The following NFIB variants were observed in gnomAD, a reference collection of about 807,000 sequenced individuals.
NFIB encodes nuclear factor I B, also known as nuclear factor 1 B-type.
NFIB carries 11 observed loss-of-function variants against 61.5 expected under a neutral mutation model. The observed-to-expected ratio is 0.18, with a 90% CI of 0.11 to 0.30. The LOEUF (loss-of-function observed/expected upper bound fraction) is 0.30. Ranked by LOEUF, NFIB falls within the 10% of genes least tolerant of loss-of-function variation. The pLI, the probability that NFIB is intolerant of heterozygous loss-of-function variation, is 1.00. For missense variants in NFIB, 471 were observed against 608.9 expected, an observed-to-expected ratio of 0.77 and a Z score of 2.38; for synonymous variants, 260 against 216.5, an observed-to-expected ratio of 1.20 and a Z score of -1.76.
chr9:14,276,082 TTTTTG>T (rs1452191335), intron 2 of NFIB, among the ~76,000 whole-genome samples: 3 of 152,122 alleles, frequency 2.0e-5, no homozygotes, highest in Non-Finnish European at 4.4e-5. Flanking sequence ...CTGCAGGGGT[TTTTTG>T]TTTTGTCTTG....
At chr9:14,481,722 A>G in the NFIB span, among the ~76,000 whole-genome samples, 2 of 152,230 alleles carry the variant, frequency 1.3e-5, no homozygotes, top group African/African-American at 4.8e-5. Context: ...ACTACCTGGA[A>G]AGTTAAACCT....
At chr9:14,180,996 G>C (rs562165276) in intron 2 of NFIB, among the ~76,000 whole-genome samples, 2 of 152,288 alleles carry the variant, frequency 1.3e-5, no homozygotes, top group African/African-American at 4.8e-5. Context: ...CATTATACTT[G>C]AGCCAAGAAA....
At chr9:14,296,945 C>T (rs182655452) in intron 2 of NFIB, among the ~76,000 whole-genome samples, 2 of 152,322 alleles carry the variant, frequency 1.3e-5, no homozygotes, top group Non-Finnish European at 2.9e-5. Context: ...GTAATTCCTG[C>T]AAGATCTAAG....
At chr9:14,192,082 TGTCAGA>T (rs566261791) in intron 2 of NFIB, among the ~76,000 whole-genome samples, 25 of 152,330 alleles carry the variant, frequency 1.6e-4, no homozygotes, top group Middle Eastern at 3.4e-3. Flanking sequence ...TCCAATTCTT[TGTCAGA>T]GTTAATTGCC....
At chr9:14,300,343 A>G (rs899362628) in intron 2 of NFIB, 4 of 396,060 alleles carry the variant, frequency 1.0e-5, no homozygotes, top group African/African-American at 4.1e-5. Context: ...GGATGGAGGG[A>G]AAAAGGCTGG....
rs2118369290 is a variant in NFIB, at chr9:14,084,252, T to C, written c.*4057A>G. The stretch of plus-strand genomic sequence containing the variant: ...AAATGGAAACAACATATAGTTCCAT[T>C]ATAATTGTTAAAAAGTTAGCTTTAC... On this transcript the variant is annotated 3_prime_UTR_variant, in exon 11 of 11. Transcript: ENST00000380953. The C allele has an allele frequency of 5.0e-6, 1 of 200,542 alleles. No individual in the cohort carries two copies. The highest frequency in any genetic ancestry group is 2.3e-5 in the African/African-American group (1 of 43,612). The allele number at this position is 200,542 out of a possible 1,614,324, so 12.4% of individuals were successfully genotyped here.
rs370599241 is a variant in NFIB at position 14,228,801 on chromosome 9, C to T, written c.563-49021G>A. On this transcript the variant is annotated intron_variant, in intron 2 of 10. Transcript: ENST00000380953. ...ATTTTAATTTTATTAGAGTGTGTTA[C>T]TCATGTGGTTTCTCTTTCACATGAA... Among the ~76,000 whole-genome samples the T allele has an allele frequency of 1.3e-3, 198 of 152,226 alleles. 1 individual carries two copies. Among genetic ancestry groups the T allele is most frequent in the African/African-American group, 4.7e-3 (196 of 41,540 alleles).
At chr9:14,494,556 T>C in the NFIB span, among the ~76,000 whole-genome samples, 3 of 152,116 alleles carry the variant, frequency 2.0e-5, no homozygotes, top group Non-Finnish European at 4.4e-5. Context: ...CAACATGGAG[T>C]GCTACGAAGC....
At chr9:14,288,161 T>C (rs1180514021) in intron 2 of NFIB, among the ~76,000 whole-genome samples, 3 of 152,190 alleles carry the variant, frequency 2.0e-5, no homozygotes, top group East Asian at 3.9e-4. Context: ...ACATGACAAA[T>C]ATATATTGAC....
intron 2 of NFIB, among the ~76,000 whole-genome samples, chr9:14,250,472 C>G (rs1240053241): frequency 6.6e-6 from 1 of 152,190 alleles, no homozygotes; most frequent in Non-Finnish European, 1.5e-5. Context: ...GCCATTAAAA[C>G]TTTCAGGTGT....
chr9:14,340,440 A>G (rs945291493), intron 1 of NFIB, among the ~76,000 whole-genome samples: 4 of 152,212 alleles, frequency 2.6e-5, no homozygotes, highest in Admixed American at 1.3e-4. Flanking sequence ...TAGCAATTCT[A>G]ATTTAATTGG....
At position 14,221,600 on chromosome 9, in the gene NFIB, C is replaced by T. The variant is rs189098723; in HGVS notation, c.563-41820G>A. On this transcript the variant is annotated intron_variant, in intron 2 of 10. Coordinates refer to ENST00000380953, the MANE Select transcript of NFIB (RefSeq NM_001190737.2). ...GCTTATCTGACTCCCCAATTTTGCA[C>T]AGAGCTGGTCCTGTCTTCTGACCTT... is the stretch of plus-strand genomic sequence containing the variant. Among the ~76,000 whole-genome samples the T allele has an allele frequency of 1.9e-3, 285 of 152,266 alleles. 4 individuals are homozygous for T. Among genetic ancestry groups the T allele is most frequent in the Non-Finnish European group, 5.3e-4 (36 of 68,022 alleles).
intron 1 of NFIB, among the ~76,000 whole-genome samples, chr9:14,326,575 G>T (rs1402108065): frequency 6.6e-6 from 1 of 151,946 alleles, no homozygotes; most frequent in Non-Finnish European, 1.5e-5. Context: ...TGGTGGTATG[G>T]CTCATAGCCT....
At position 14,322,076 on chromosome 9, in the gene NFIB, TAAAAAAAAAAAAAA is replaced by T. The variant is rs3081606; in HGVS notation, c.109-14570_109-14557del. The T allele has an allele frequency of 6.8e-5, 75 of 1,110,338 alleles. 1 individual carries two copies. The highest frequency in any genetic ancestry group is 3.9e-4 in the African/African-American group (18 of 46,304). The allele number at this position is 1,110,338 out of a possible 1,614,324, so 68.8% of individuals were successfully genotyped here. On this transcript the variant is annotated intron_variant, in intron 1 of 8. Transcript: ENST00000380934. ...TTTGGTGTCGCTTTTTGTGTTTAGT[TAAAAAAAAAAAAAA>T]AAAAAAAAAAAAGCAATCCGGGAGT...
chr9:14,173,779 G>T (rs930599946), intron 3 of NFIB, among the ~76,000 whole-genome samples: 1 of 152,170 alleles, frequency 6.6e-6, no homozygotes. Flanking sequence ...GATAGAGTAG[G>T]TGACTGGGGA....
At chr9:14,209,773 G>A (rs1467118444) in intron 2 of NFIB, among the ~76,000 whole-genome samples, 1 of 152,172 alleles carries the variant, frequency 6.6e-6, no homozygotes, top group Non-Finnish European at 1.5e-5. Flanking sequence ...AAGTTTGGAA[G>A]ATCTATTTAT....
intron 2 of NFIB, among the ~76,000 whole-genome samples, chr9:14,222,194 T>A (rs1263146509): frequency 1.3e-5 from 2 of 152,170 alleles, no homozygotes; most frequent in Non-Finnish European, 2.9e-5. Flanking sequence ...ATACTAACTT[T>A]CAAGAACACA....
At position 14,086,392 on chromosome 9, in the gene NFIB, T is replaced by A. The variant is rs1398523814; in HGVS notation, c.*1917A>T. The A allele has an allele frequency of 3.7e-5, 8 of 219,110 alleles. No individual in the cohort carries two copies. Among genetic ancestry groups the A allele is most frequent in the Non-Finnish European group, 6.4e-5 (7 of 108,848 alleles). The allele number at this position is 219,110 out of a possible 1,614,324, so 13.6% of individuals were successfully genotyped here. Reference sequence around the variant, plus strand: ...AAAAAAGCATACATTATTTTTTTTTTAAATCTGTGTACTTACCTATAATAA... The same window carrying A: ...AAAAAAGCATACATTATTTTTTTTTAAAATCTGTGTACTTACCTATAATAA... On this transcript the variant is annotated 3_prime_UTR_variant, in exon 11 of 11. Transcript: ENST00000380953.
At position 14,179,780 on chromosome 9, in the gene NFIB, T is replaced by A; in HGVS notation, c.563A>T (p.Asp188Val). 1 of 1,613,226 alleles carries A rather than the reference T, an allele frequency of 6.2e-7. No individual in the cohort carries two copies. The highest frequency in any genetic ancestry group is 8.5e-7 in the Non-Finnish European group (1 of 1,179,482). The change falls in exon 3 of 11, where the codon GAT (aspartate) becomes GTT (valine). Residue 188 changes from aspartate to valine, a missense_variant and splice_region_variant. Asp to Val is a radical substitution (Grantham distance 152). This residue lies in a region of NFIB where 372 missense variants were observed against 395.6 expected (regional missense o/e 0.94). Coordinates refer to ENST00000380953, the MANE Select transcript of NFIB (RefSeq NM_001190737.2). ...LFLAYYVQEQDSGQSGSPSHN... is the reference protein window; with the variant it reads ...LFLAYYVQEQVSGQSGSPSHN... The stretch of plus-strand genomic sequence containing the variant: ...GCTTGGACTTCCTGATTGTCCAGAA[T>A]CTGTAAAGAAATCACAGAAAATGTT...
Sources: allele counts gnomAD v4.1 joint callset (sites outside exome capture counted in the v4.1 genomes callset), GRCh38; gene constraint gnomAD v4.1.1; regional missense constraint gnomAD v4.1.1; transcripts MANE v1.5; gene names NCBI Gene and HGNC (gene_info 2026-07-23, HGNC 2026-07-21).